ZC3H12B: variants seen among roughly 807,000 people sequenced by gnomAD.
The protein encoded by ZC3H12B is probable ribonuclease ZC3H12B.
In ZC3H12B, 7 loss-of-function variants were observed where a neutral mutation model predicts 43.9. That is an observed-to-expected ratio of 0.16 (90% CI 0.09 to 0.30). The LOEUF (loss-of-function observed/expected upper bound fraction) is 0.30. Ranked by LOEUF, ZC3H12B falls within the 10% of genes least tolerant of loss-of-function variation. The probability of loss-of-function intolerance (pLI) is 1.00; values close to 1 mark genes in which losing one functional copy is unlikely to be tolerated. For missense variants in ZC3H12B, 475 were observed against 670.2 expected (o/e 0.71, Z 3.22); for synonymous variants, 222 against 241.7 (o/e 0.92, Z 0.76).
At chrX:65,284,266 A>C in the ZC3H12B span, among the ~76,000 whole-genome samples, 1 of 107,645 alleles carries the variant, frequency 9.3e-6, no homozygotes, top group Non-Finnish European at 1.9e-5. Flanking sequence ...AAAAAAAAAA[A>C]CACGAAAAAG....
the ZC3H12B span, among the ~76,000 whole-genome samples, chrX:65,157,424 A>G: frequency 6.0e-4 from 67 of 112,410 alleles, 2 homozygotes; most frequent in Non-Finnish European, 1.2e-3. Flanking sequence ...GTGTCTTCAA[A>G]GTAAATTAAA....
chrX:65,492,699 T>C lies in ZC3H12B; in HGVS notation c.608+3290T>C, dbSNP rs375227659. ...TTATTACTGTTAATCTAAATTTGGT[T>C]TGTTTTCCTCATTAGTTAGCTGTAA... is the stretch of plus-strand genomic sequence containing the variant. On this transcript the variant is annotated intron_variant, in intron 1 of 4. Transcript: ENST00000338957. Among the ~76,000 whole-genome samples the C allele has an allele frequency of 3.6e-4, 41 of 112,334 alleles. No individual in the cohort carries two copies. The East Asian group carries it at 8.4e-3, about 23-fold the overall frequency.
the ZC3H12B span, among the ~76,000 whole-genome samples, chrX:65,318,016 C>A: frequency 6.4e-5 from 7 of 108,545 alleles, no homozygotes; most frequent in South Asian, 4.0e-4. Flanking sequence ...ATAATGACTT[C>A]TTTTCCTCTG....
At chrX:65,344,488 A>G in the ZC3H12B span, among the ~76,000 whole-genome samples, 1 of 112,396 alleles carries the variant, frequency 8.9e-6, no homozygotes, top group African/African-American at 3.2e-5. Flanking sequence ...CCTATTCACC[A>G]AATGGTACTT....
the ZC3H12B span, among the ~76,000 whole-genome samples, chrX:65,165,808 C>T: frequency 1.8e-5 from 2 of 111,917 alleles, no homozygotes; most frequent in Non-Finnish European, 3.8e-5. Flanking sequence ...TGGGTGTATA[C>T]CCAATAATGG....
chrX:65,488,788 A>T, exon 1 of ZC3H12B: 3 of 1,160,518 alleles, frequency 2.6e-6, no homozygotes, highest in Non-Finnish European at 3.4e-6. Flanking sequence ...ACCTCAGACG[A>T]CCCACTAAAC....
the ZC3H12B span, among the ~76,000 whole-genome samples, chrX:65,129,592 ACTT>A: frequency 9.0e-6 from 1 of 110,905 alleles, no homozygotes; most frequent in African/African-American, 3.3e-5. Context: ...AGCCATTTTT[ACTT>A]CTTTTGTGTT....
At chrX:65,317,177 C>T in the ZC3H12B span, among the ~76,000 whole-genome samples, 1 of 109,574 alleles carries the variant, frequency 9.1e-6, no homozygotes, top group African/African-American at 3.3e-5. Context: ...GAGACTTAGC[C>T]ACAAAATAGT....
At chrX:65,108,956 T>A in the ZC3H12B span, among the ~76,000 whole-genome samples, 1 of 111,535 alleles carries the variant, frequency 9.0e-6, no homozygotes, top group Middle Eastern at 4.3e-3. Context: ...GACCAAAACA[T>A]GATTATGTAA....
rs142316361 is a variant in ZC3H12B, at chrX:65,373,230, G to A, written n.295+4232G>A. ...CATTTAGAATGGCAATCATTAAAAC[G>A]TCAGGAAACAGCAGGTGCTGGAGAG... is the stretch of plus-strand genomic sequence containing the variant. On this transcript the variant is annotated intron_variant and non_coding_transcript_variant, in intron 2 of 5. Transcript: ENST00000617377. 5.2e-4 allele frequency among the ~76,000 whole-genome samples: 58 copies of A among 111,890 alleles called. 1 individual carries two copies. In the East Asian group the frequency reaches 0.016, roughly 30 times the overall value.
chrX:65,200,506 C>T, the ZC3H12B span, among the ~76,000 whole-genome samples: 1 of 97,299 alleles, frequency 1.0e-5, no homozygotes, highest in Non-Finnish European at 2.0e-5. Context: ...CATCTCAGCT[C>T]ACTGCAACCT....
At chrX:65,152,023 A>G in the ZC3H12B span, among the ~76,000 whole-genome samples, 1 of 112,032 alleles carries the variant, frequency 8.9e-6, no homozygotes, top group Non-Finnish European at 1.9e-5. Context: ...CTTTGACAAA[A>G]TTCAACAGCC....
chrX:65,350,521 G>T, the ZC3H12B span, among the ~76,000 whole-genome samples: 4 of 111,801 alleles, frequency 3.6e-5, no homozygotes, highest in Non-Finnish European at 5.6e-5. Flanking sequence ...GAAATAGGAA[G>T]AGAGGAAGTC....
chrX:65,047,424 GTA>G, the ZC3H12B span, among the ~76,000 whole-genome samples: 1 of 110,893 alleles, frequency 9.0e-6, no homozygotes, highest in Admixed American at 9.6e-5. Flanking sequence ...AGCACTCTGT[GTA>G]TGTGTGTGTG....
intron 3 of ZC3H12B, among the ~76,000 whole-genome samples, chrX:65,480,672 C>T (rs1195695443): frequency 9.0e-6 from 1 of 110,967 alleles, no homozygotes; most frequent in African/African-American, 3.3e-5. Context: ...CATGGCGAAA[C>T]TGCATCTCTA....
chrX:65,250,364 C>T, the ZC3H12B span, among the ~76,000 whole-genome samples: 1 of 111,988 alleles, frequency 8.9e-6, no homozygotes, highest in South Asian at 3.7e-4. Context: ...GGTTCCAAAT[C>T]TTTGCTATTG....
chrX:65,389,528 A>G (rs1479098688), intron 2 of ZC3H12B, among the ~76,000 whole-genome samples: 1 of 112,236 alleles, frequency 8.9e-6, no homozygotes, highest in Admixed American at 9.4e-5. Flanking sequence ...TCCAGGTACC[A>G]TCTGTCACCC....
intron 2 of ZC3H12B, among the ~76,000 whole-genome samples, chrX:65,392,667 TG>T (rs1163625750): frequency 2.7e-5 from 3 of 110,703 alleles, no homozygotes; most frequent in East Asian, 2.9e-4. Flanking sequence ...ATCTGGGGGG[TG>T]GGGGGCCCCT....
chrX:65,191,660 T>C, the ZC3H12B span, among the ~76,000 whole-genome samples: 1 of 103,729 alleles, frequency 9.6e-6, no homozygotes, highest in Non-Finnish European at 1.9e-5. Context: ...CTTTATAATT[T>C]TTTTTTTGTG....
Sources: allele counts gnomAD v4.1 joint callset (sites outside exome capture counted in the v4.1 genomes callset), GRCh38; gene constraint gnomAD v4.1.1; transcripts MANE v1.5; gene names NCBI Gene and HGNC (gene_info 2026-07-23, HGNC 2026-07-21).